The following BTBD3 variants were observed in gnomAD, a reference collection of about 807,000 sequenced individuals.
BTBD3 encodes BTB domain containing 3.
A neutral mutation model predicts 41.6 loss-of-function variants in BTBD3; 14 were observed. That is an observed-to-expected ratio of 0.34 (90% CI 0.22 to 0.53). BTBD3 has a LOEUF of 0.53. Among genes scored for constraint, BTBD3 ranks in the 20% least tolerant of loss-of-function variants. BTBD3 has a pLI of 0.95. For synonymous variants in BTBD3, 249 were observed against 233.7 expected, an observed-to-expected ratio of 1.07 and a Z score of -0.60; for missense variants, 426 against 654.7, an observed-to-expected ratio of 0.65 and a Z score of 3.81.
At chr20:11,913,777 G>A (rs1178723099), upstream of BTBD3, 2 of 152,098 alleles carry the variant, frequency 1.3e-5, no homozygotes, top group Non-Finnish European at 1.5e-5. Context: ...ATTAAATAAA[G>A]GTAGGATTGC....
chr20:11,918,024 A>G lies in BTBD3; in HGVS notation c.-252A>G. The G allele has an allele frequency of 8.2e-7, 1 of 1,225,546 alleles. No individual in the cohort carries two copies. The highest frequency in any genetic ancestry group is 1.0e-6 in the Non-Finnish European group (1 of 983,322). The allele number at this position is 1,225,546 out of a possible 1,614,324, so 75.9% of individuals were successfully genotyped here. On this transcript the variant is annotated 5_prime_UTR_variant, in exon 1 of 4. Coordinates refer to ENST00000378226, the MANE Select transcript of BTBD3 (RefSeq NM_014962.4). The stretch of plus-strand genomic sequence containing the variant: ...GTAGCATTTTCAGGTGATCTAGGAA[A>G]CAGTTATTTTTATGAGCAAATAAGA...
chr20:11,898,372 C>A (rs1478782209), intron 1 of BTBD3, among the ~76,000 whole-genome samples: 1 of 152,108 alleles, frequency 6.6e-6, no homozygotes, highest in Non-Finnish European at 1.5e-5. Context: ...CCCCCCCAGC[C>A]ACCTCTTTCA....
rs1328861659 is a variant in BTBD3 at position 11,919,781 on chromosome 20, A to G, written c.481A>G (p.Lys161Glu). The G allele has an allele frequency of 1.2e-6, 2 of 1,614,090 alleles. No homozygotes were observed. The highest frequency in any genetic ancestry group is 1.7e-6 in the Non-Finnish European group (2 of 1,180,044). ...AMFYGELAED[K>E]DEIRIPDVEP... ...GTTTTACGGAGAACTTGCAGAGGAC[A>G]AAGATGAAATCCGTATACCAGATGT... The change falls in exon 3 of 4, where the codon AAA (lysine) becomes GAA (glutamate). Residue 161 changes from lysine to glutamate, a missense_variant. Coordinates refer to ENST00000378226, the MANE Select transcript of BTBD3 (RefSeq NM_014962.4).
chr20:11,922,320 C>G (rs527687163), intron 3 of BTBD3, among the ~76,000 whole-genome samples: 14 of 152,108 alleles, frequency 9.2e-5, no homozygotes, highest in Non-Finnish European at 1.9e-4. Context: ...GTAATGTTGA[C>G]TATTCAATAT....
chr20:11,904,863 C>T (rs1298921366), intron 1 of BTBD3, among the ~76,000 whole-genome samples: 2 of 152,084 alleles, frequency 1.3e-5, no homozygotes, highest in Non-Finnish European at 2.9e-5. Context: ...TATCGATGAA[C>T]GTTTTGTACT....
Position 11,922,961 on chromosome 20 carries a change from A to C in BTBD3, c.864A>C (p.Ala288=). 1.2e-6 allele frequency: 2 copies of C among 1,614,252 alleles called. No homozygotes were observed. The highest frequency in any genetic ancestry group is 1.7e-6 in the Non-Finnish European group (2 of 1,180,052). Residue 288 remains alanine (A), a synonymous_variant, in exon 4 of 4, where the codon GCA becomes GCC. Coordinates refer to ENST00000378226, the MANE Select transcript of BTBD3 (RefSeq NM_014962.4). The part of the protein sequence containing the change: ...LNAKEIVVFE[A]ALNWAEVECQ... ...CCAAAGAAATTGTGGTTTTTGAGGC[A>C]GCTCTCAACTGGGCTGAAGTAGAAT... is the stretch of plus-strand genomic sequence containing the variant.
At chr20:11,913,523 AGT>A (rs2056901528), upstream of BTBD3, 1 of 152,174 alleles carries the variant, frequency 6.6e-6, no homozygotes, top group Non-Finnish European at 1.5e-5. Flanking sequence ...GCATTCTGTA[AGT>A]GTGTGAGGTA....
intron 1 of BTBD3, among the ~76,000 whole-genome samples, chr20:11,894,113 C>T (rs1302328571): frequency 1.3e-5 from 2 of 152,202 alleles, no homozygotes; most frequent in Non-Finnish European, 2.9e-5. Context: ...AATCGCATTT[C>T]CTTGGAATAA....
intron 1 of BTBD3, among the ~76,000 whole-genome samples, chr20:11,902,079 CAT>C: frequency 6.6e-6 from 1 of 152,000 alleles, no homozygotes; most frequent in Admixed American, 6.6e-5. Flanking sequence ...GTTGAAAATC[CAT>C]GTGTAACTTT....
At chr20:11,898,266 T>C (rs1215652142) in intron 1 of BTBD3, among the ~76,000 whole-genome samples, 1 of 152,174 alleles carries the variant, frequency 6.6e-6, no homozygotes, top group Non-Finnish European at 1.5e-5. Flanking sequence ...CATTCCAGCC[T>C]TCCTTACCTC....
chr20:11,909,801 A>G (rs1365785531), intron 1 of BTBD3: 2 of 152,278 alleles, frequency 1.3e-5, no homozygotes, highest in South Asian at 2.1e-4. Context: ...CAACAAAATA[A>G]AAAGCTTTTT....
In BTBD3 at chr20:11,890,874, G is replaced by A. The variant is rs1031771269; in HGVS notation, c.-206G>A. 4 of 985,012 alleles carry A rather than the reference G, an allele frequency of 4.1e-6. No individual in the cohort carries two copies. In the African/African-American group the frequency reaches 5.2e-5, roughly 13 times the overall value. 61.0% of individuals were successfully genotyped at this position (985,012 alleles called of 1,614,324 possible). A position where few individuals can be genotyped will look rare whatever the true frequency, so the allele number is the denominator to read the frequency against. Reference sequence around the variant, plus strand: ...CCCGCCGGGCGCTGGATCTCCGAGTGCCCCGGCCGGGGCCTGAGGAGCGGG... The same window carrying A: ...CCCGCCGGGCGCTGGATCTCCGAGTACCCCGGCCGGGGCCTGAGGAGCGGG... On this transcript the variant is annotated 5_prime_UTR_variant, in exon 1 of 5. Coordinates refer to the BTBD3 transcript ENST00000254977.
At chr20:11,912,563 C>A (rs2056895581) in intron 1 of BTBD3, among the ~76,000 whole-genome samples, 1 of 152,196 alleles carries the variant, frequency 6.6e-6, no homozygotes, top group South Asian at 2.1e-4. Context: ...GCTGTGCAGT[C>A]TGAAAAGAGT....
At position 11,918,621 on chromosome 20, in the gene BTBD3, ATTTAC is replaced by A. The variant is rs1463687264; in HGVS notation, c.326+25_326+29del. On this transcript the variant is annotated intron_variant, in intron 1 of 3. Coordinates refer to ENST00000378226, the MANE Select transcript of BTBD3 (RefSeq NM_014962.4). ...AGAGAGGTAAGTGCCGCGCTAGTCT[ATTTAC>A]TTTAAAAGTTTTCCTGTGTTGAAGT... The A allele has an allele frequency of 6.5e-7, 1 of 1,545,470 alleles. No individual in the cohort carries two copies. The highest frequency in any genetic ancestry group is 8.7e-7 in the Non-Finnish European group (1 of 1,151,592).
chr20:11,891,271 G>T (rs942551078), intron 1 of BTBD3: 16 of 151,634 alleles, frequency 1.1e-4, no homozygotes, highest in African/African-American at 3.6e-4. Flanking sequence ...AAAGACCGCG[G>T]GGAGGGGCGC....
chr20:11,908,110 C>T (rs2056867188), intron 1 of BTBD3, among the ~76,000 whole-genome samples: 1 of 152,136 alleles, frequency 6.6e-6, no homozygotes, highest in South Asian at 2.1e-4. Flanking sequence ...TGACATCACC[C>T]AGGTCTCCTA....
intron 1 of BTBD3, chr20:11,891,095 C>G (rs533888341): frequency 1.9e-6 from 1 of 536,292 alleles, no homozygotes; most frequent in South Asian, 7.9e-5. Flanking sequence ...GGCCGCAGGT[C>G]GGCCTCGGAC....
intron 1 of BTBD3, among the ~76,000 whole-genome samples, chr20:11,896,906 A>G (rs908002539): frequency 3.3e-5 from 5 of 152,232 alleles, no homozygotes; most frequent in African/African-American, 1.2e-4. Flanking sequence ...AGGAGATGTC[A>G]CTAGGGATTT....
upstream of BTBD3, among the ~76,000 whole-genome samples, chr20:11,916,604 G>C (rs2056919278): frequency 6.6e-6 from 1 of 152,122 alleles, no homozygotes; most frequent in Admixed American, 6.5e-5. Flanking sequence ...TAGTGTTCTA[G>C]GGATTTAAAG....
Sources: allele counts gnomAD v4.1 joint callset (sites outside exome capture counted in the v4.1 genomes callset), GRCh38; gene constraint gnomAD v4.1.1; transcripts MANE v1.5; gene names NCBI Gene and HGNC (gene_info 2026-07-23, HGNC 2026-07-21).